The following GRID1 variants were observed in gnomAD, a reference collection of about 807,000 sequenced individuals.
GRID1 encodes the protein glutamate ionotropic receptor delta type subunit 1.
A neutral mutation model predicts 98.0 loss-of-function variants in GRID1; 28 were observed. The observed-to-expected ratio is 0.29, with a 90% CI of 0.21 to 0.39. The LOEUF (loss-of-function observed/expected upper bound fraction) is 0.39. Ranked by LOEUF, GRID1 falls within the 10% of genes least tolerant of loss-of-function variation. GRID1 has a pLI of 1.00. For missense variants in GRID1, 1,111 were observed against 1,340.5 expected (o/e 0.83, Z 2.67); for synonymous variants, 553 against 538.5 (o/e 1.03, Z -0.37).
intron 13 of GRID1, among the ~76,000 whole-genome samples, chr10:85,633,122 G>A (rs1842994446): frequency 6.6e-6 from 1 of 151,462 alleles, no homozygotes; most frequent in Non-Finnish European, 1.5e-5. Context: ...TAGAGATGAG[G>A]TTTCACCATG....
At chr10:86,183,003 A>C (rs992341568) in intron 3 of GRID1, among the ~76,000 whole-genome samples, 2 of 152,176 alleles carry the variant, frequency 1.3e-5, no homozygotes, top group African/African-American at 4.8e-5. Context: ...CATACAATAA[A>C]CTGCATGTAT....
chr10:86,132,290 C>G (rs1430104148), intron 4 of GRID1, among the ~76,000 whole-genome samples: 1 of 152,220 alleles, frequency 6.6e-6, no homozygotes, highest in Non-Finnish European at 1.5e-5. Context: ...CAGGACAGCT[C>G]TCTGTTCCCT....
At chr10:86,240,113 T>G (rs1341446947) in intron 2 of GRID1, among the ~76,000 whole-genome samples, 1 of 152,154 alleles carries the variant, frequency 6.6e-6, no homozygotes, top group Non-Finnish European at 1.5e-5. Flanking sequence ...TCCAGAACTG[T>G]GAGAAAATAA....
intron 13 of GRID1, among the ~76,000 whole-genome samples, chr10:85,626,484 T>A (rs1165848660): frequency 6.6e-6 from 1 of 152,226 alleles, no homozygotes; most frequent in African/African-American, 2.4e-5. Context: ...GAAACAAAAG[T>A]GTTTCATGGA....
At chr10:85,645,150 A>G (rs1213448033) in intron 13 of GRID1, among the ~76,000 whole-genome samples, 3 of 151,044 alleles carry the variant, frequency 2.0e-5, no homozygotes, top group Non-Finnish European at 4.4e-5. Context: ...AAAAGTAGCT[A>G]TCTTTTTTTT....
At chr10:86,158,503 T>C (rs1045761765) in intron 3 of GRID1, among the ~76,000 whole-genome samples, 6 of 152,108 alleles carry the variant, frequency 3.9e-5, no homozygotes, top group Non-Finnish European at 8.8e-5. Flanking sequence ...TTCCAAACTC[T>C]CTCTGCTCTG....
At chr10:85,946,823 T>C (rs1045549682) in intron 4 of GRID1, among the ~76,000 whole-genome samples, 1 of 151,954 alleles carries the variant, frequency 6.6e-6, no homozygotes, top group Non-Finnish European at 1.5e-5. Context: ...CCACCCACAC[T>C]CCCCAGTGTG....
At chr10:85,851,919 T>C (rs1843061878) in intron 8 of GRID1, among the ~76,000 whole-genome samples, 1 of 152,082 alleles carries the variant, frequency 6.6e-6, no homozygotes, top group South Asian at 2.1e-4. Flanking sequence ...GAATGTCCTT[T>C]ATTTTTAAGT....
intron 10 of GRID1, among the ~76,000 whole-genome samples, chr10:85,727,024 G>A (rs901325648): frequency 1.3e-5 from 2 of 152,234 alleles, no homozygotes; most frequent in Non-Finnish European, 2.9e-5. Context: ...CCTGTGCTGT[G>A]AGAGTAAAAG....
intron 2 of GRID1, among the ~76,000 whole-genome samples, chr10:86,323,242 G>T (rs1847995336): frequency 6.6e-6 from 1 of 152,224 alleles, no homozygotes; most frequent in African/African-American, 2.4e-5. Context: ...CTAGCTGAAG[G>T]GATGTGGGGC....
intron 8 of GRID1, among the ~76,000 whole-genome samples, chr10:85,822,556 G>A (rs1258854183): frequency 2.0e-5 from 3 of 152,194 alleles, no homozygotes; most frequent in Non-Finnish European, 4.4e-5. Flanking sequence ...TGGAGAGGAT[G>A]TGGAGAAATA....
intron 3 of GRID1, among the ~76,000 whole-genome samples, chr10:86,194,299 A>T (rs2132010621): frequency 6.6e-6 from 1 of 152,250 alleles, no homozygotes; most frequent in South Asian, 2.1e-4. Flanking sequence ...GAATCAAGAC[A>T]TGGAGGAATA....
At chr10:85,674,934 C>T (rs1338746039) in intron 12 of GRID1, among the ~76,000 whole-genome samples, 1 of 152,144 alleles carries the variant, frequency 6.6e-6, no homozygotes, top group Non-Finnish European at 1.5e-5. Context: ...GCTTAAACTG[C>T]TCATATATTC....
intron 4 of GRID1, among the ~76,000 whole-genome samples, chr10:86,119,050 A>G (rs1844628853): frequency 6.6e-6 from 1 of 152,178 alleles, no homozygotes; most frequent in Non-Finnish European, 1.5e-5. Context: ...AACTAAGAAA[A>G]TATAGGCCGG....
At chr10:85,870,963 A>G (rs1188683116) in intron 5 of GRID1, among the ~76,000 whole-genome samples, 5 of 152,012 alleles carry the variant, frequency 3.3e-5, no homozygotes, top group Non-Finnish European at 7.4e-5. Context: ...GTAGGGCGAG[A>G]GGATTAGAGA....
intron 2 of GRID1, among the ~76,000 whole-genome samples, chr10:86,254,839 C>T (rs2132051379): frequency 6.6e-6 from 1 of 152,380 alleles, no homozygotes; most frequent in African/African-American, 2.4e-5. Flanking sequence ...TGAACCAGTG[C>T]CGGCTGCACA....
At chr10:85,849,090 G>A (rs977311326) in intron 8 of GRID1, among the ~76,000 whole-genome samples, 6 of 152,136 alleles carry the variant, frequency 3.9e-5, no homozygotes, top group Non-Finnish European at 7.3e-5. Flanking sequence ...AACTGCTGGA[G>A]CCACCAGGTA....
rs528626454 is a variant in GRID1, at chr10:86,177,638, T to C, written c.520+28726A>G. On this transcript the variant is annotated intron_variant, in intron 3 of 15. Transcript: ENST00000327946. ...TGACACAGAGAAAGAGACTTTAGCA[T>C]GTGTATGCATGTGTGTGTGAGAGAC... Among the ~76,000 whole-genome samples, 8 of 150,894 alleles carry C rather than the reference T, an allele frequency of 5.3e-5. No individual in the cohort carries two copies. In the East Asian group the frequency reaches 1.6e-3, roughly 29 times the overall value.
intron 5 of GRID1, among the ~76,000 whole-genome samples, chr10:85,876,693 T>G (rs1372981838): frequency 6.6e-6 from 1 of 152,092 alleles, no homozygotes; most frequent in African/African-American, 2.4e-5. Context: ...AGAAGACAGG[T>G]GATTTCTGCA....
Sources: allele counts gnomAD v4.1 joint callset (sites outside exome capture counted in the v4.1 genomes callset), GRCh38; gene constraint gnomAD v4.1.1; transcripts MANE v1.5; gene names NCBI Gene and HGNC (gene_info 2026-07-23, HGNC 2026-07-21).